SH3D19: variants seen among roughly 807,000 people sequenced by gnomAD.
SH3D19 encodes SH3 domain containing 19, also known as SH3 domain-containing protein 19.
In SH3D19, 58 loss-of-function variants were observed where a neutral mutation model predicts 112.1. That is an observed-to-expected ratio of 0.52 (90% CI 0.42 to 0.64). The LOEUF (loss-of-function observed/expected upper bound fraction) is 0.64, where lower values mean the gene tolerates loss of function less well. SH3D19 is among the 30% of genes least tolerant of loss of function. The probability of loss-of-function intolerance (pLI) is 0.00; values close to 1 mark genes in which losing one functional copy is unlikely to be tolerated. For missense variants in SH3D19, 1,090 were observed against 1,263.4 expected (o/e 0.86, Z 2.08); for synonymous variants, 391 against 448.5 (o/e 0.87, Z 1.62).
chr4:151,189,017 A>C (rs1005054255), intron 2 of SH3D19, among the ~76,000 whole-genome samples: 1 of 152,206 alleles, frequency 6.6e-6, no homozygotes, highest in East Asian at 1.9e-4. Flanking sequence ...GAAATCACCT[A>C]TGAGTTTCAG....
intron 1 of SH3D19, among the ~76,000 whole-genome samples, chr4:151,320,481 C>T (rs1730426037): frequency 6.6e-6 from 1 of 151,882 alleles, no homozygotes; most frequent in Non-Finnish European, 1.5e-5. Flanking sequence ...AAATCATGTT[C>T]TTAAAGGGGG....
chr4:151,223,695 A>G (rs1768474953), intron 2 of SH3D19, among the ~76,000 whole-genome samples: 2 of 152,116 alleles, frequency 1.3e-5, no homozygotes, highest in South Asian at 4.1e-4. Flanking sequence ...AAGTTCTCCC[A>G]GTTCCTCACA....
intron 5 of SH3D19, 53 bp from the exon 6 acceptor site, chr4:151,176,740 T>A (rs1284351883): frequency 5.7e-6 from 7 of 1,228,504 alleles, no homozygotes; most frequent in Non-Finnish European, 7.1e-6. Context: ...AGCTAAGGTG[T>A]TGACAGTCTC....
intron 2 of SH3D19, among the ~76,000 whole-genome samples, chr4:151,199,125 A>G (rs1049736021): frequency 6.6e-6 from 1 of 152,008 alleles, no homozygotes; most frequent in Non-Finnish European, 1.5e-5. Context: ...ATAAATACCA[A>G]TAGTTACATG....
chr4:151,218,424 T>C (rs1244676704), intron 2 of SH3D19, among the ~76,000 whole-genome samples: 1 of 152,114 alleles, frequency 6.6e-6, no homozygotes, highest in Non-Finnish European at 1.5e-5. Context: ...TTTTTTTTTT[T>C]TCTTTCTTTT....
At position 151,176,547 on chromosome 4, in the gene SH3D19, G is replaced by A. The variant is rs1759989508; in HGVS notation, c.516C>T (p.Asn172=). ...TACTTGCATTACTTTGAGGCAGATC[G>A]TTGTCTATTTCTTCTGAAAAGTCAG... ...TQTDFSEEID[N]DLPQTLQAPL... Residue 172 remains asparagine (N), a synonymous_variant, in exon 6 of 20, where the codon AAC becomes AAT. Transcript: ENST00000604030. 8.1e-7 allele frequency: 1 copy of A among 1,232,134 alleles called. No individual in the cohort carries two copies. The allele number at this position is 1,232,134 out of a possible 1,614,324, so 76.3% of individuals were successfully genotyped here.
At chr4:151,318,114 G>A (rs920325191) in intron 1 of SH3D19, among the ~76,000 whole-genome samples, 3 of 151,604 alleles carry the variant, frequency 2.0e-5, no homozygotes, top group African/African-American at 7.3e-5. Flanking sequence ...TGGCCAATAT[G>A]GTGAAACCCT....
chr4:151,128,172 G>A lies in SH3D19; in HGVS notation c.2927C>T (p.Pro976Leu). 1 of 1,599,088 alleles carries A rather than the reference G, an allele frequency of 6.3e-7. No homozygotes were observed. Among genetic ancestry groups the A allele is most frequent in the Non-Finnish European group, 8.5e-7 (1 of 1,172,754 alleles). Reference sequence around the variant, plus strand: ...TTCATGTCTTGCGGTTGTCATACCTGGGCAGGGCCTCACAAACACTGCTGG... The same window carrying A: ...TTCATGTCTTGCGGTTGTCATACCTAGGCAGGGCCTCACAAACACTGCTGG... ...IFPAVFVRPC[P>L]AEAKSMLAIV... is the part of the protein sequence containing the mutation. The change falls in exon 18 of 20, where the codon CCA becomes CTA. Residue 976 changes from proline to leucine, a missense_variant and splice_region_variant. Pro to Leu is a moderately conservative substitution (Grantham distance 98). Coordinates refer to ENST00000604030, the MANE Select transcript of SH3D19 (RefSeq NM_001378122.1).
intron 6 of SH3D19, among the ~76,000 whole-genome samples, chr4:151,176,142 G>T (rs775858020): frequency 6.6e-6 from 1 of 152,142 alleles, no homozygotes; most frequent in Non-Finnish European, 1.5e-5. Context: ...AAAGCGTTGG[G>T]ATTAAAGGCA....
At chr4:151,183,045 G>A (rs1761203204) in intron 3 of SH3D19, among the ~76,000 whole-genome samples, 1 of 148,664 alleles carries the variant, frequency 6.7e-6, no homozygotes, top group Non-Finnish European at 1.5e-5. Context: ...AGGCTGGAGT[G>A]CAGTGGCACG....
chr4:151,166,508 A>G (rs1230796256), intron 7 of SH3D19, among the ~76,000 whole-genome samples: 1 of 149,688 alleles, frequency 6.7e-6, no homozygotes, highest in East Asian at 1.9e-4. Flanking sequence ...TTTTTTTTTA[A>G]TGGGAAATCT....
chr4:151,150,134 G>A (rs1274207097), intron 9 of SH3D19, among the ~76,000 whole-genome samples: 3 of 122,622 alleles, frequency 2.4e-5, no homozygotes, highest in African/African-American at 6.3e-5. Context: ...GCAGTGAGCC[G>A]AGATCATGCC....
At chr4:151,142,405 A>C (rs1753165790) in intron 12 of SH3D19, among the ~76,000 whole-genome samples, 1 of 152,164 alleles carries the variant, frequency 6.6e-6, no homozygotes, top group Admixed American at 6.5e-5. Flanking sequence ...CCTCAGCCCC[A>C]GGCAACCAGT....
rs3923227 is a variant in SH3D19, at chr4:151,251,197, C to T, written c.113-25111G>A. 5.4e-3 allele frequency among the ~76,000 whole-genome samples: 405 copies of T among 74,736 alleles called. 8 individuals are homozygous for T. Among genetic ancestry groups the T allele is most frequent in the South Asian group, 0.016 (51 of 3,188 alleles). The allele number at this position is 74,736 out of a possible 152,430, so 49.0% of individuals were successfully genotyped here. A position where few individuals can be genotyped will look rare whatever the true frequency, so the allele number is the denominator to read the frequency against. On this transcript the variant is annotated intron_variant, in intron 1 of 19. Transcript: ENST00000604030. ...ATTTGTTCTTTCTTTTTCTTTTTTT[C>T]CTTTTTTTTTTTTTTTCCTGAGACG...
chr4:151,244,541 C>T (rs1007280333), intron 1 of SH3D19, among the ~76,000 whole-genome samples: 8 of 152,120 alleles, frequency 5.3e-5, no homozygotes, highest in African/African-American at 1.2e-4. Context: ...AAAGATTATT[C>T]GAACTGAGAT....
intron 2 of SH3D19, among the ~76,000 whole-genome samples, chr4:151,210,757 A>G (rs1765843001): frequency 6.6e-6 from 1 of 152,186 alleles, no homozygotes; most frequent in Non-Finnish European, 1.5e-5. Context: ...CTGAACCACC[A>G]ATATACTAAC....
rs200056080 is a variant in SH3D19, at chr4:151,198,315, A to AT, written c.153-10853_153-10852insA. Among the ~76,000 whole-genome samples the AT allele has an allele frequency of 7.4e-3, 1,035 of 139,436 alleles. 14 individuals are homozygous for AT. The highest frequency in any genetic ancestry group is 0.024 in the African/African-American group (934 of 38,260). The allele number at this position is 139,436 out of a possible 152,430, so 91.5% of individuals were successfully genotyped here. On this transcript the variant is annotated intron_variant, in intron 2 of 19. Coordinates refer to ENST00000604030, the MANE Select transcript of SH3D19 (RefSeq NM_001378122.1). The stretch of plus-strand genomic sequence containing the variant: ...GCGAGACTCTGTCTCAAAAAAAAAA[A>AT]AAATATATATATAATATAAAAATAT...
chr4:151,283,323 G>A, intron 1 of SH3D19: 2 of 1,599,138 alleles, frequency 1.3e-6, no homozygotes, highest in East Asian at 2.2e-5. Context: ...TTTTAAACAT[G>A]AGATCTTAAT....
chr4:151,312,648 C>A (rs933051231), intron 1 of SH3D19, among the ~76,000 whole-genome samples: 2 of 152,088 alleles, frequency 1.3e-5, no homozygotes, highest in East Asian at 1.9e-4. Context: ...CCTGTAATCA[C>A]GGCACTTTGG....
Sources: allele counts gnomAD v4.1 joint callset (sites outside exome capture counted in the v4.1 genomes callset), GRCh38; gene constraint gnomAD v4.1.1; transcripts MANE v1.5; gene names NCBI Gene and HGNC (gene_info 2026-07-23, HGNC 2026-07-21).